The following SLC24A2 variants were observed in gnomAD, a reference collection of about 807,000 sequenced individuals.
SLC24A2 encodes the protein sodium/potassium/calcium exchanger 2.
A neutral mutation model predicts 62.0 loss-of-function variants in SLC24A2; 36 were observed. That is an observed-to-expected ratio of 0.58 (90% CI 0.44 to 0.77). The LOEUF (loss-of-function observed/expected upper bound fraction) is 0.77, where lower values mean the gene tolerates loss of function less well. Among genes scored for constraint, SLC24A2 ranks in the 30% least tolerant of loss-of-function variants. SLC24A2 has a pLI of 0.00. For synonymous variants in SLC24A2, 358 were observed against 294.0 expected (o/e 1.22, Z -2.23); for missense variants, 846 against 817.9 (o/e 1.03, Z -0.42).
the SLC24A2 span, among the ~76,000 whole-genome samples, chr9:19,987,116 C>G: frequency 6.6e-6 from 1 of 152,048 alleles, no homozygotes; most frequent in African/African-American, 2.4e-5. Context: ...TGTGGAAGAG[C>G]TGATGCTCTG....
At chr9:19,785,354 C>G (rs1442548808) in intron 2 of SLC24A2, among the ~76,000 whole-genome samples, 1 of 152,178 alleles carries the variant, frequency 6.6e-6, no homozygotes, top group Non-Finnish European at 1.5e-5. Flanking sequence ...ATTCTCTTTA[C>G]AATGGATGCT....
chr9:20,038,406 T>G, the SLC24A2 span, among the ~76,000 whole-genome samples: 1 of 152,144 alleles, frequency 6.6e-6, no homozygotes, highest in Non-Finnish European at 1.5e-5. Context: ...GTAAGGACCT[T>G]GATTACCTCC....
the SLC24A2 span, among the ~76,000 whole-genome samples, chr9:20,103,831 G>A: frequency 0.11 from 16,664 of 150,308 alleles, 1,017 homozygotes; most frequent in Middle Eastern, 0.17. Flanking sequence ...CACCAGCAAC[G>A]GAACAAAGCT....
chr9:20,171,860 T>C, the SLC24A2 span, among the ~76,000 whole-genome samples: 22 of 151,990 alleles, frequency 1.4e-4, no homozygotes, highest in African/African-American at 4.8e-4. Flanking sequence ...CTGGAATGAA[T>C]GGACTTAACA....
At chr9:19,794,417 C>CA in the SLC24A2 span, among the ~76,000 whole-genome samples, 1 of 151,558 alleles carries the variant, frequency 6.6e-6, no homozygotes, top group Non-Finnish European at 1.5e-5. Context: ...CACATGGACA[C>CA]AAAGAAGGGA....
chr9:19,695,000 G>T (rs570528753), intron 2 of SLC24A2, among the ~76,000 whole-genome samples: 32 of 143,060 alleles, frequency 2.2e-4, no homozygotes, highest in African/African-American at 8.0e-4. Context: ...AGGCCGTTGG[G>T]GATTTAAATT....
chr9:20,243,104 C>T, the SLC24A2 span, among the ~76,000 whole-genome samples: 2 of 152,146 alleles, frequency 1.3e-5, no homozygotes, highest in Admixed American at 6.5e-5. Flanking sequence ...TGGTTACAGA[C>T]GAAAGGACTC....
chr9:19,968,535 A>G, the SLC24A2 span, among the ~76,000 whole-genome samples: 1 of 152,204 alleles, frequency 6.6e-6, no homozygotes, highest in Non-Finnish European at 1.5e-5. Context: ...CTTGTATTTC[A>G]TACTAACTTT....
At chr9:19,943,226 G>A in the SLC24A2 span, among the ~76,000 whole-genome samples, 2 of 151,954 alleles carry the variant, frequency 1.3e-5, no homozygotes, top group Admixed American at 6.6e-5. Flanking sequence ...TTCCATTGGG[G>A]GAATACTCCA....
At chr9:19,966,758 A>G in the SLC24A2 span, among the ~76,000 whole-genome samples, 2 of 152,228 alleles carry the variant, frequency 1.3e-5, no homozygotes, top group African/African-American at 4.8e-5. Flanking sequence ...AAAAGTAGAT[A>G]TACAATTAAC....
chr9:19,819,661 C>T, the SLC24A2 span, among the ~76,000 whole-genome samples: 1 of 151,898 alleles, frequency 6.6e-6, no homozygotes, highest in African/African-American at 2.4e-5. Flanking sequence ...CAATGTGATA[C>T]CACCTTACTC....
chr9:19,938,027 C>T, the SLC24A2 span, among the ~76,000 whole-genome samples: 1 of 152,062 alleles, frequency 6.6e-6, no homozygotes, highest in Non-Finnish European at 1.5e-5. Flanking sequence ...AACAATATTG[C>T]ATTTATTAAT....
At chr9:19,598,811 T>C (rs1451646716) in intron 4 of SLC24A2, among the ~76,000 whole-genome samples, 1 of 152,216 alleles carries the variant, frequency 6.6e-6, no homozygotes, top group Non-Finnish European at 1.5e-5. Context: ...CATATGTTCA[T>C]AGTGGCTTCA....
the SLC24A2 span, among the ~76,000 whole-genome samples, chr9:20,228,358 G>A: frequency 6.6e-6 from 1 of 152,044 alleles, no homozygotes; most frequent in Non-Finnish European, 1.5e-5. Context: ...AGAGCGCTCT[G>A]AGTTGGGGGT....
At chr9:19,838,760 T>C in the SLC24A2 span, among the ~76,000 whole-genome samples, 2 of 150,292 alleles carry the variant, frequency 1.3e-5, no homozygotes, top group Non-Finnish European at 3.0e-5. Flanking sequence ...AAAATTGTTT[T>C]CCTAATTTAA....
chr9:19,850,949 ATATATATATATATATATG>A, the SLC24A2 span, among the ~76,000 whole-genome samples: 7,449 of 39,324 alleles, frequency 0.19, 730 homozygotes, highest in Non-Finnish European at 0.28. Flanking sequence ...ATATATACAT[ATATATATATATATATATG>A]TATATATATA....
the SLC24A2 span, among the ~76,000 whole-genome samples, chr9:20,118,592 G>GA: frequency 6.6e-6 from 1 of 151,406 alleles, no homozygotes; most frequent in African/African-American, 2.4e-5. Flanking sequence ...CAAAACCTTA[G>GA]GTATTTATAT....
At chr9:20,206,432 T>C in the SLC24A2 span, among the ~76,000 whole-genome samples, 21 of 151,634 alleles carry the variant, frequency 1.4e-4, no homozygotes, top group African/African-American at 3.9e-4. Flanking sequence ...AAAATAACGG[T>C]AAGATGCAGT....
At chr9:19,721,776 T>C (rs752336638) in intron 2 of SLC24A2, among the ~76,000 whole-genome samples, 4 of 152,154 alleles carry the variant, frequency 2.6e-5, no homozygotes, top group Non-Finnish European at 4.4e-5. Flanking sequence ...TGAGAATAGT[T>C]TCATCCTATT....
Sources: allele counts gnomAD v4.1 joint callset (sites outside exome capture counted in the v4.1 genomes callset), GRCh38; gene constraint gnomAD v4.1.1; transcripts MANE v1.5; gene names NCBI Gene and HGNC (gene_info 2026-07-23, HGNC 2026-07-21).